Variants in ULK4 observed in about 807,000 individuals in gnomAD.
ULK4 encodes unc-51 like kinase 4, also known as inactive serine/threonine-protein kinase ULK4.
Under a neutral mutation model 160.6 loss-of-function variants are expected in ULK4, and 133 were observed. The observed-to-expected ratio is 0.83, with a 90% confidence interval of 0.72 to 0.96. The LOEUF is 0.96. Among genes scored for constraint, ULK4 ranks in the 40% least tolerant of loss-of-function variants. The pLI, the probability that ULK4 is intolerant of heterozygous loss-of-function variation, is 0.00. For synonymous variants in ULK4, 534 were observed against 539.8 expected, an observed-to-expected ratio of 0.99 and a Z score of 0.15; for missense variants, 1,580 against 1,499.5, an observed-to-expected ratio of 1.05 and a Z score of -0.89.
At chr3:41,937,114 G>A in intron 3 of ULK4, 1 of 447,910 alleles carries the variant, frequency 2.2e-6, no homozygotes, top group Non-Finnish European at 4.0e-6. Context: ...TGCTGGCATT[G>A]AAAAGTTGAA....
At chr3:41,343,330 A>G (rs189459942) in intron 35 of ULK4, among the ~76,000 whole-genome samples, 1,766 of 97,216 alleles carry the variant, frequency 0.018, 56 homozygotes, top group African/African-American at 0.065. Flanking sequence ...TTTGAGATGG[A>G]GTCTTGCTCT....
chr3:41,655,120 G>A (rs753016125), intron 30 of ULK4, among the ~76,000 whole-genome samples: 7 of 151,746 alleles, frequency 4.6e-5, no homozygotes, highest in Non-Finnish European at 1.0e-4. Context: ...ACCAGCCTGG[G>A]CAACATAGTA....
intron 32 of ULK4, among the ~76,000 whole-genome samples, chr3:41,484,485 C>A (rs1470225497): frequency 9.8e-6 from 1 of 102,524 alleles, no homozygotes; most frequent in African/African-American, 4.0e-5. Flanking sequence ...TGGAGTCTCG[C>A]TCTGTCACCC....
At chr3:41,688,686 G>A (rs188153091) in intron 27 of ULK4, among the ~76,000 whole-genome samples, 19 of 152,214 alleles carry the variant, frequency 1.2e-4, no homozygotes, top group Admixed American at 7.2e-4. Flanking sequence ...AAATAAAACC[G>A]TCAGCCCTGT....
intron 34 of ULK4, among the ~76,000 whole-genome samples, chr3:41,411,443 T>C (rs1488634342): frequency 6.6e-6 from 1 of 151,826 alleles, no homozygotes; most frequent in Non-Finnish European, 1.5e-5. Context: ...TTATTTTTAT[T>C]TTGAGACAGA....
chr3:41,434,167 T>C (rs1386635392), intron 34 of ULK4, among the ~76,000 whole-genome samples: 3 of 152,358 alleles, frequency 2.0e-5, no homozygotes, highest in East Asian at 3.9e-4. Context: ...TCATGCTATA[T>C]GAACAAGGTG....
intron 22 of ULK4, among the ~76,000 whole-genome samples, chr3:41,741,318 G>C (rs972707868): frequency 2.0e-5 from 3 of 151,850 alleles, no homozygotes; most frequent in Non-Finnish European, 4.4e-5. Flanking sequence ...GCAAATAGAA[G>C]TTTTGCCACT....
At chr3:41,443,429 T>C (rs1181982393) in intron 34 of ULK4, among the ~76,000 whole-genome samples, 5 of 152,210 alleles carry the variant, frequency 3.3e-5, no homozygotes, top group Admixed American at 3.3e-4. Context: ...GTGCATAAAA[T>C]AAATAATGGA....
At chr3:41,433,786 C>T (rs895908422) in intron 34 of ULK4, among the ~76,000 whole-genome samples, 1 of 152,064 alleles carries the variant, frequency 6.6e-6, no homozygotes, top group Non-Finnish European at 1.5e-5. Flanking sequence ...ATGGCGCGAT[C>T]CAGGCTCACT....
chr3:41,915,465 C>A (rs1698934273), intron 8 of ULK4: 1 of 153,530 alleles, frequency 6.5e-6, no homozygotes, highest in Non-Finnish European at 1.4e-5. Context: ...CTACCCTGTG[C>A]CTCAACAATG....
At chr3:41,471,281 C>G (rs2083983814) in intron 32 of ULK4, among the ~76,000 whole-genome samples, 1 of 152,102 alleles carries the variant, frequency 6.6e-6, no homozygotes, top group Admixed American at 6.6e-5. Flanking sequence ...ATAAAAGGGT[C>G]AGTTCAACAA....
At chr3:41,723,137 T>G (rs534642057) in intron 22 of ULK4, among the ~76,000 whole-genome samples, 311 of 152,236 alleles carry the variant, frequency 2.0e-3, no homozygotes, top group African/African-American at 7.2e-3. Context: ...TTAATTTGAA[T>G]TTTCATAATT....
Position 41,957,967 on chromosome 3 carries a change from C to G in ULK4, c.-48-3160G>C, listed in dbSNP as rs886363310. On this transcript the variant is annotated intron_variant, in intron 1 of 36. Coordinates refer to ENST00000301831, the MANE Select transcript of ULK4 (RefSeq NM_017886.4). ...ACTGAGGCAGGAGGATAGCTTGAAC[C>G]CGGGAGGCAGAGGTTGCAGTGAGCC... 1.9e-4 allele frequency among the ~76,000 whole-genome samples: 29 copies of G among 151,486 alleles called. 1 individual carries two copies. Among genetic ancestry groups the G allele is most frequent in the Non-Finnish European group, 8.8e-5 (6 of 67,836 alleles).
At chr3:41,388,526 T>C in intron 35 of ULK4, among the ~76,000 whole-genome samples, 1 of 152,126 alleles carries the variant, frequency 6.6e-6, no homozygotes, top group Non-Finnish European at 1.5e-5. Flanking sequence ...TGTAAGTCTT[T>C]AATCCATCTT....
intron 17 of ULK4, among the ~76,000 whole-genome samples, chr3:41,852,018 G>T (rs1187863903): frequency 1.3e-5 from 2 of 151,834 alleles, no homozygotes; most frequent in African/African-American, 4.8e-5. Context: ...TAATAGAGAA[G>T]AATCAAATAA....
In ULK4 at chr3:41,907,864, T is replaced by G. The variant is rs772635381; in HGVS notation, c.1163A>C (p.Lys388Thr). Residue 388 changes from lysine (K) to threonine (T), a missense_variant, in exon 12 of 37, where the codon AAG becomes ACG. By Grantham distance (78) the Lys-to-Thr change is moderately conservative. Coordinates refer to ENST00000301831, the MANE Select transcript of ULK4 (RefSeq NM_017886.4). ...GEDMTHCSPQ[K>T]TSPLTKITSG... ...GCTCACCTTGGTCAGAGGAGAAGTC[T>G]TCTGTGGTGAACAGTGAGTCATATC... 6.3e-7 allele frequency: 1 copy of G among 1,596,468 alleles called. No homozygotes were observed. The highest frequency in any genetic ancestry group is 1.7e-4 in the Middle Eastern group (1 of 5,912).
At chr3:41,557,444 C>A (rs1471932790) in intron 32 of ULK4, among the ~76,000 whole-genome samples, 1 of 151,696 alleles carries the variant, frequency 6.6e-6, no homozygotes, top group African/African-American at 2.4e-5. Flanking sequence ...ATACAGAAAT[C>A]AAAAACTTTC....
intron 32 of ULK4, among the ~76,000 whole-genome samples, chr3:41,489,121 C>T (rs1398374491): frequency 6.6e-6 from 1 of 152,068 alleles, no homozygotes; most frequent in Admixed American, 6.6e-5. Flanking sequence ...CTCAAATATG[C>T]CAATTTCTCA....
At chr3:41,499,579 C>G (rs1370228044) in intron 32 of ULK4, among the ~76,000 whole-genome samples, 1 of 152,070 alleles carries the variant, frequency 6.6e-6, no homozygotes, top group Non-Finnish European at 1.5e-5. Context: ...GAGATTAAAC[C>G]TTCACTTCTA....
Sources: allele counts gnomAD v4.1 joint callset (sites outside exome capture counted in the v4.1 genomes callset), GRCh38; gene constraint gnomAD v4.1.1; transcripts MANE v1.5; gene names NCBI Gene and HGNC (gene_info 2026-07-23, HGNC 2026-07-21).